ZNRF2: variants seen among roughly 807,000 people sequenced by gnomAD.
ZNRF2 encodes the protein E3 ubiquitin-protein ligase ZNRF2.
A neutral mutation model predicts 20.4 loss-of-function variants in ZNRF2; 16 were observed. The ratio of observed to expected loss-of-function variants is 0.79; its 90% CI spans 0.53 to 1.19. The LOEUF (loss-of-function observed/expected upper bound fraction) is 1.19, where lower values mean the gene tolerates loss of function less well. ZNRF2 is among the 50% of genes most tolerant of loss of function. The probability of loss-of-function intolerance (pLI) is 0.00; values close to 1 mark genes in which losing one functional copy is unlikely to be tolerated. For missense variants in ZNRF2, 363 were observed against 332.4 expected (o/e 1.09, Z -0.72); for synonymous variants, 178 against 144.9 (o/e 1.23, Z -1.64).
chr7:30,352,716 A>G (rs1288245055), intron 2 of ZNRF2, among the ~76,000 whole-genome samples: 1 of 152,050 alleles, frequency 6.6e-6, no homozygotes, highest in Non-Finnish European at 1.5e-5. Context: ...TTGGCTAGTT[A>G]GTAGTCTACC....
chr7:30,324,745 A>C (rs1477979640), intron 2 of ZNRF2, among the ~76,000 whole-genome samples: 2 of 152,216 alleles, frequency 1.3e-5, no homozygotes, highest in African/African-American at 4.8e-5. Flanking sequence ...AGCCTAAGTA[A>C]AATGTAATGT....
intron 2 of ZNRF2, among the ~76,000 whole-genome samples, chr7:30,323,940 TCTTTA>T (rs1799512830): frequency 6.6e-6 from 1 of 152,202 alleles, no homozygotes; most frequent in Non-Finnish European, 1.5e-5. Context: ...AAAGAGTTTT[TCTTTA>T]CTTGGGTTAT....
rs564024484 is a variant in ZNRF2, at chr7:30,296,688, A to G, written c.469+10862A>G. On this transcript the variant is annotated intron_variant, in intron 1 of 4. Transcript: ENST00000323037. ...AGTTCCTTAATAACTCCTTTTGTCC[A>G]CTCTTCCTACCACCTTACCGTACGC... 3.7e-4 allele frequency among the ~76,000 whole-genome samples: 56 copies of G among 151,856 alleles called. No individual in the cohort carries two copies. The South Asian group carries it at 0.011, about 30-fold the overall frequency.
At chr7:30,302,574 A>T (rs536934887) in intron 1 of ZNRF2, among the ~76,000 whole-genome samples, 59 of 152,048 alleles carry the variant, frequency 3.9e-4, no homozygotes, top group Non-Finnish European at 4.4e-5. Context: ...TTACCAAATT[A>T]GTGTATATAT....
intron 2 of ZNRF2, among the ~76,000 whole-genome samples, chr7:30,324,138 A>G (rs1372934232): frequency 6.6e-6 from 1 of 152,160 alleles, no homozygotes; most frequent in Non-Finnish European, 1.5e-5. Flanking sequence ...GCTTCATGAC[A>G]AGGAATTCTC....
chr7:30,325,491 T>G (rs1799537881), intron 2 of ZNRF2, among the ~76,000 whole-genome samples: 1 of 152,202 alleles, frequency 6.6e-6, no homozygotes, highest in Non-Finnish European at 1.5e-5. Context: ...AAAAAGGTTC[T>G]ATGAAAAACT....
intron 2 of ZNRF2, among the ~76,000 whole-genome samples, chr7:30,342,044 CCTG>C (rs886632426): frequency 2.0e-5 from 3 of 150,736 alleles, no homozygotes; most frequent in Admixed American, 6.6e-5. Flanking sequence ...GATTTCAACC[CCTG>C]CTTTTTTTTT....
chr7:30,318,976 G>T lies in ZNRF2; in HGVS notation c.470-4666G>T, dbSNP rs1254512394. On this transcript the variant is annotated intron_variant, in intron 1 of 4. Coordinates refer to ENST00000323037, the MANE Select transcript of ZNRF2 (RefSeq NM_147128.4). ...AAAATACAAAAATTAGCTGGGTGTG[G>T]TGGTGCGTGCCTGTAATCCCAGCTA... 5.9e-5 allele frequency among the ~76,000 whole-genome samples: 9 copies of T among 152,164 alleles called. No individual in the cohort carries two copies. In the South Asian group the frequency reaches 1.7e-3, roughly 28 times the overall value.
At chr7:30,287,834 GTA>G (rs1798820393) in intron 1 of ZNRF2, among the ~76,000 whole-genome samples, 1 of 151,958 alleles carries the variant, frequency 6.6e-6, no homozygotes, top group South Asian at 2.1e-4. Flanking sequence ...TTTTAGTTAT[GTA>G]TCATTCTTGG....
At chr7:30,286,516 A>G (rs764844377) in intron 1 of ZNRF2, among the ~76,000 whole-genome samples, 4 of 152,244 alleles carry the variant, frequency 2.6e-5, no homozygotes, top group Non-Finnish European at 4.4e-5. Flanking sequence ...TCAAGGTACA[A>G]TAATTGGCTA....
At chr7:30,355,598 A>C in intron 2 of ZNRF2, 130 bp from the exon 3 acceptor site, 2 of 622,508 alleles carry the variant, frequency 3.2e-6, no homozygotes, top group Non-Finnish European at 5.7e-6. Flanking sequence ...GCTGAGTTTT[A>C]TGTATTTCTG....
In ZNRF2 at chr7:30,293,833, T is replaced by C. The variant is rs181727473; in HGVS notation, c.469+8007T>C. On this transcript the variant is annotated intron_variant, in intron 1 of 4. Coordinates refer to ENST00000323037, the MANE Select transcript of ZNRF2 (RefSeq NM_147128.4). Reference sequence around the variant, plus strand: ...AAAATATTAGTGTGTCAGAAAATTATAGATGTATTCAGTCATTTGAATTTC... The same window carrying C: ...AAAATATTAGTGTGTCAGAAAATTACAGATGTATTCAGTCATTTGAATTTC... 5.9e-5 allele frequency among the ~76,000 whole-genome samples: 9 copies of C among 152,348 alleles called. No individual in the cohort carries two copies. In the East Asian group the frequency reaches 1.7e-3, roughly 29 times the overall value.
At chr7:30,360,833 G>A (rs895078927) in intron 3 of ZNRF2, among the ~76,000 whole-genome samples, 1 of 152,162 alleles carries the variant, frequency 6.6e-6, no homozygotes, top group Non-Finnish European at 1.5e-5. Context: ...CATGGAAGCA[G>A]TACTATATGT....
At chr7:30,331,387 A>G (rs964610893) in intron 2 of ZNRF2, among the ~76,000 whole-genome samples, 1 of 152,200 alleles carries the variant, frequency 6.6e-6, no homozygotes, top group Non-Finnish European at 1.5e-5. Context: ...TTTGAAAAAT[A>G]TTCAGATTTA....
rs1439259809 is a variant in ZNRF2 at position 30,366,390 on chromosome 7, G to A, written c.*378G>A. ...TAAGTTCTCCAGAGCTGCACAACTAGTTATGTTTTGATTTGTTTTGTTTTT... is the reference window on the plus strand; with the variant it reads ...TAAGTTCTCCAGAGCTGCACAACTAATTATGTTTTGATTTGTTTTGTTTTT... On this transcript the variant is annotated 3_prime_UTR_variant, in exon 5 of 5. Transcript: ENST00000323037. 6.6e-6 allele frequency: 1 copy of A among 152,556 alleles called. No homozygotes were observed. The highest frequency in any genetic ancestry group is 1.5e-5 in the Non-Finnish European group (1 of 68,010). The allele number at this position is 152,556 out of a possible 1,614,324, so 9.5% of individuals were successfully genotyped here. A position where few individuals can be genotyped will look rare whatever the true frequency, so the allele number is the denominator to read the frequency against.
intron 1 of ZNRF2, among the ~76,000 whole-genome samples, chr7:30,313,340 A>G (rs1051061506): frequency 5.3e-5 from 8 of 152,182 alleles, no homozygotes; most frequent in Admixed American, 1.3e-4. Flanking sequence ...CTTCCACAAT[A>G]TAATCTAAGA....
At chr7:30,351,196 T>C (rs1799957113) in intron 2 of ZNRF2, among the ~76,000 whole-genome samples, 1 of 152,020 alleles carries the variant, frequency 6.6e-6, no homozygotes, top group African/African-American at 2.4e-5. Flanking sequence ...AAGTGAAATA[T>C]CAAGTAACAG....
intron 2 of ZNRF2, among the ~76,000 whole-genome samples, chr7:30,340,061 T>C (rs1325491617): frequency 6.6e-6 from 1 of 151,492 alleles, no homozygotes; most frequent in Non-Finnish European, 1.5e-5. Flanking sequence ...GCTGTTATTG[T>C]TGTATAGGAA....
intron 1 of ZNRF2, among the ~76,000 whole-genome samples, chr7:30,301,714 A>AC (rs1216020317): frequency 1.3e-5 from 2 of 151,174 alleles, no homozygotes; most frequent in Non-Finnish European, 2.9e-5. Context: ...AAAAAAAAAA[A>AC]AAAAAAAAAC....
Sources: allele counts gnomAD v4.1 joint callset (sites outside exome capture counted in the v4.1 genomes callset), GRCh38; gene constraint gnomAD v4.1.1; transcripts MANE v1.5; gene names NCBI Gene and HGNC (gene_info 2026-07-23, HGNC 2026-07-21).